The following KCNIP4 variants were observed in gnomAD, a reference collection of about 807,000 sequenced individuals.
KCNIP4 encodes the protein Kv channel-interacting protein 4.
KCNIP4 carries 12 observed loss-of-function variants against 34.0 expected under a neutral mutation model. The ratio of observed to expected loss-of-function variants is 0.35; its 90% CI spans 0.23 to 0.57. The LOEUF (loss-of-function observed/expected upper bound fraction) is 0.57. Ranked by LOEUF, KCNIP4 falls within the 20% of genes least tolerant of loss-of-function variation. KCNIP4 has a pLI of 0.83. For synonymous variants in KCNIP4, 124 were observed against 102.2 expected (o/e 1.21, Z -1.29); for missense variants, 238 against 311.7 (o/e 0.76, Z 1.78).
chr4:21,151,611 T>C (rs1270068977), intron 1 of KCNIP4, among the ~76,000 whole-genome samples: 1 of 151,908 alleles, frequency 6.6e-6, no homozygotes, highest in Non-Finnish European at 1.5e-5. Flanking sequence ...CCCACCTCCA[T>C]GAGCCCATCT....
At chr4:21,780,176 G>A (rs950299924) in intron 1 of KCNIP4, among the ~76,000 whole-genome samples, 3 of 150,738 alleles carry the variant, frequency 2.0e-5, no homozygotes, top group Admixed American at 6.6e-5. Flanking sequence ...AACAGGAGAA[G>A]GGGATAAGAT....
chr4:20,882,562 A>G, intron 2 of KCNIP4, 46 bp downstream of exon 2: 1 of 1,399,938 alleles, frequency 7.1e-7, no homozygotes. Context: ...TAAAGAAACG[A>G]AACAAGAGTT....
intron 1 of KCNIP4, among the ~76,000 whole-genome samples, chr4:21,090,754 G>GA (rs1362855065): frequency 6.6e-6 from 1 of 151,952 alleles, no homozygotes; most frequent in Non-Finnish European, 1.5e-5. Flanking sequence ...GTCTCATTTT[G>GA]AAAAATAATC....
rs763711758 is a variant in KCNIP4 at position 21,518,628 on chromosome 4, C to G, written c.61+429943G>C. Among the ~76,000 whole-genome samples, 30 of 152,076 alleles carry G rather than the reference C, an allele frequency of 2.0e-4. 1 individual carries two copies. Among genetic ancestry groups the G allele is most frequent in the Non-Finnish European group, 7.4e-5 (5 of 68,026 alleles). ...CACGGCGGATGAAAATATCCCTACG[C>G]TGTGGTGGAGAAGAGTCATTTTTCA... On this transcript the variant is annotated intron_variant, in intron 1 of 8. Transcript: ENST00000382152.
chr4:21,652,890 T>C (rs781066865), intron 1 of KCNIP4, among the ~76,000 whole-genome samples: 134 of 152,300 alleles, frequency 8.8e-4, no homozygotes, highest in Non-Finnish European at 1.4e-3. Flanking sequence ...TGCTTAAGCA[T>C]AACTTCAAGC....
chr4:21,604,577 T>C (rs1743483712), intron 1 of KCNIP4, among the ~76,000 whole-genome samples: 1 of 152,240 alleles, frequency 6.6e-6, no homozygotes, highest in East Asian at 1.9e-4. Context: ...CAGGATTATT[T>C]GCTATTGGAA....
chr4:21,824,893 A>T (rs764506238), intron 1 of KCNIP4, among the ~76,000 whole-genome samples: 4 of 152,146 alleles, frequency 2.6e-5, no homozygotes, highest in South Asian at 2.1e-4. Flanking sequence ...CATCCAATCT[A>T]CTAGCTGACT....
chr4:20,994,749 C>T (rs1169945140), intron 1 of KCNIP4, among the ~76,000 whole-genome samples: 1 of 152,126 alleles, frequency 6.6e-6, no homozygotes, highest in Admixed American at 6.6e-5. Flanking sequence ...TTATCAGTCC[C>T]ATCAGCTAAT....
At chr4:21,523,369 T>C (rs765419811) in intron 1 of KCNIP4, among the ~76,000 whole-genome samples, 8 of 152,150 alleles carry the variant, frequency 5.3e-5, no homozygotes, top group Non-Finnish European at 1.0e-4. Flanking sequence ...ATATTTAGTA[T>C]GAGCATGCAC....
chr4:21,552,864 A>G (rs889870172), intron 1 of KCNIP4, among the ~76,000 whole-genome samples: 5 of 152,150 alleles, frequency 3.3e-5, no homozygotes, highest in African/African-American at 1.2e-4. Context: ...GCAAAACAGA[A>G]AAGTAAAATA....
intron 1 of KCNIP4, among the ~76,000 whole-genome samples, chr4:21,316,842 G>T (rs942398238): frequency 6.6e-6 from 1 of 152,144 alleles, no homozygotes. Flanking sequence ...ACATTCAAAT[G>T]CATTGTCTTG....
intron 3 of KCNIP4, among the ~76,000 whole-genome samples, chr4:20,836,107 T>C (rs1002049152): frequency 1.3e-5 from 2 of 152,178 alleles, no homozygotes; most frequent in African/African-American, 2.4e-5. Flanking sequence ...TGTGTCATTC[T>C]CCTACTTAAT....
intron 1 of KCNIP4, among the ~76,000 whole-genome samples, chr4:21,734,786 G>A (rs555578118): frequency 4.0e-4 from 61 of 152,094 alleles, no homozygotes; most frequent in African/African-American, 1.4e-3. Flanking sequence ...CATTTAACTC[G>A]AGATATTTTC....
intron 1 of KCNIP4, among the ~76,000 whole-genome samples, chr4:21,175,901 T>C (rs113885962): frequency 2.1e-4 from 32 of 152,342 alleles, no homozygotes; most frequent in Non-Finnish European, 3.8e-4. Context: ...GGTATACCTC[T>C]ACCGTCTTCC....
intron 1 of KCNIP4, among the ~76,000 whole-genome samples, chr4:21,103,107 T>C (rs1401923258): frequency 6.6e-6 from 1 of 151,910 alleles, no homozygotes; most frequent in African/African-American, 2.4e-5. Flanking sequence ...GGGTGATAGA[T>C]ATATTATGGG....
intron 1 of KCNIP4, among the ~76,000 whole-genome samples, chr4:21,268,741 G>A (rs1761965514): frequency 1.3e-5 from 2 of 152,204 alleles, no homozygotes; most frequent in Non-Finnish European, 2.9e-5. Flanking sequence ...TAAAACCCAT[G>A]TGCTAAGGGT....
Position 20,842,550 on chromosome 4 carries a change from A to G in KCNIP4, c.288+7993T>C, listed in dbSNP as rs569705960. ...TTCAAGAAATATTTGTTGGATGAGCATGTAAGGCAATTGAGTCTCTCTTCT... is the reference window on the plus strand; with the variant it reads ...TTCAAGAAATATTTGTTGGATGAGCGTGTAAGGCAATTGAGTCTCTCTTCT... On this transcript the variant is annotated intron_variant, in intron 3 of 8. Coordinates refer to ENST00000382152, the MANE Select transcript of KCNIP4 (RefSeq NM_025221.6). 7.0e-4 allele frequency among the ~76,000 whole-genome samples: 95 copies of G among 135,766 alleles called. No individual in the cohort carries two copies. The South Asian group carries it at 0.015, about 21-fold the overall frequency. The allele number at this position is 135,766 out of a possible 152,430, so 89.1% of individuals were successfully genotyped here.
At chr4:21,937,672 C>G (rs1729937956) in intron 1 of KCNIP4, among the ~76,000 whole-genome samples, 1 of 152,004 alleles carries the variant, frequency 6.6e-6, no homozygotes, top group African/African-American at 2.4e-5. Context: ...TCAACCGAAC[C>G]TCCATCTCTG....
intron 1 of KCNIP4, among the ~76,000 whole-genome samples, chr4:21,112,396 A>ACTT: frequency 6.6e-6 from 1 of 152,232 alleles, no homozygotes; most frequent in East Asian, 1.9e-4. Context: ...ACTGATCCCC[A>ACTT]CTTTGTATGC....
Sources: allele counts gnomAD v4.1 joint callset (sites outside exome capture counted in the v4.1 genomes callset), GRCh38; gene constraint gnomAD v4.1.1; transcripts MANE v1.5; gene names NCBI Gene and HGNC (gene_info 2026-07-23, HGNC 2026-07-21).